EYS: variants seen among roughly 807,000 people sequenced by gnomAD.
The protein encoded by EYS is EGF-like photoreceptor maintenance factor.
A neutral mutation model predicts 282.1 loss-of-function variants in EYS; 250 were observed. The observed-to-expected ratio is 0.89, with a 90% CI of 0.80 to 0.98. The LOEUF (loss-of-function observed/expected upper bound fraction) is 0.98, where lower values mean the gene tolerates loss of function less well. EYS is among the 50% of genes least tolerant of loss of function. The pLI is 0.00. For synonymous variants in EYS, 1,355 were observed against 1,282.9 expected (o/e 1.06, Z -1.20); for missense variants, 4,016 against 3,709.0 (o/e 1.08, Z -2.15).
At chr6:64,007,869 G>T (rs192017447) in intron 33 of EYS, among the ~76,000 whole-genome samples, 2 of 151,992 alleles carry the variant, frequency 1.3e-5, no homozygotes, top group Non-Finnish European at 2.9e-5. Flanking sequence ...GTATGGTTTT[G>T]GTTGTTTAAA....
chr6:64,165,906 T>C (rs1053147911), intron 31 of EYS, among the ~76,000 whole-genome samples: 32 of 152,222 alleles, frequency 2.1e-4, no homozygotes, highest in African/African-American at 7.5e-4. Context: ...TAGGAAAAGA[T>C]AGTGCCTGAC....
intron 1 of EYS, among the ~76,000 whole-genome samples, chr6:65,647,325 C>A (rs1321054065): frequency 1.3e-5 from 2 of 152,068 alleles, no homozygotes; most frequent in African/African-American, 2.4e-5. Flanking sequence ...GGCACATAGA[C>A]CAATGGAACA....
intron 11 of EYS, among the ~76,000 whole-genome samples, chr6:65,318,147 G>A (rs1020221554): frequency 6.8e-6 from 1 of 147,792 alleles, no homozygotes; most frequent in South Asian, 2.2e-4. Flanking sequence ...GATTACATGC[G>A]TGAGCCACCG....
intron 35 of EYS, among the ~76,000 whole-genome samples, chr6:63,888,868 A>G (rs1053894583): frequency 3.9e-5 from 6 of 152,218 alleles, no homozygotes; most frequent in African/African-American, 1.4e-4. Flanking sequence ...GTTCTAATCC[A>G]ATGAAAGAAA....
chr6:64,388,721 C>A lies in EYS; in HGVS notation c.6047G>T (p.Gly2016Val). The A allele has an allele frequency of 6.5e-7, 1 of 1,538,214 alleles. No individual in the cohort carries two copies. Among genetic ancestry groups the A allele is most frequent in the Non-Finnish European group, 8.8e-7 (1 of 1,141,136 alleles). Residue 2016 changes from glycine (G) to valine (V), a missense_variant, in exon 29 of 43, where the codon GGT becomes GTT. Physicochemically the swap from Gly to Val is moderately radical, Grantham distance 109 (BLOSUM62 -3). Coordinates refer to ENST00000503581, the MANE Select transcript of EYS (RefSeq NM_001142800.2). ...PLPKSGSVFI[G>V]GFPDLHGKIQ... ...TTTCCCATGAAGGTCTGGAAATCCA[C>A]CAATGAAGACAGATCCTGATTTTGG...
At chr6:64,622,806 A>G (rs1036178592) in intron 23 of EYS, among the ~76,000 whole-genome samples, 2 of 152,152 alleles carry the variant, frequency 1.3e-5, no homozygotes, top group African/African-American at 4.8e-5. Context: ...AGATAATGGC[A>G]TGACTGAGAT....
At chr6:64,884,451 G>A (rs1054384581) in intron 19 of EYS, among the ~76,000 whole-genome samples, 1 of 151,426 alleles carries the variant, frequency 6.6e-6, no homozygotes, top group Non-Finnish European at 1.5e-5. Context: ...ACATCCTTGT[G>A]TTTTAAAGTT....
chr6:65,254,207 C>T (rs1373058762), intron 12 of EYS, among the ~76,000 whole-genome samples: 1 of 151,802 alleles, frequency 6.6e-6, no homozygotes, highest in Non-Finnish European at 1.5e-5. Context: ...CCTTCCCGCA[C>T]CCACACACCC....
intron 34 of EYS, among the ~76,000 whole-genome samples, chr6:63,987,868 G>A (rs1373594540): frequency 1.3e-5 from 2 of 151,570 alleles, no homozygotes; most frequent in African/African-American, 4.8e-5. Flanking sequence ...TCATGTGGAT[G>A]TACTTTTAGA....
At chr6:63,956,491 T>C (rs992231201) in intron 35 of EYS, among the ~76,000 whole-genome samples, 5 of 152,198 alleles carry the variant, frequency 3.3e-5, no homozygotes, top group African/African-American at 1.2e-4. Flanking sequence ...CAAAGCCTGT[T>C]TGGTGGTCTC....
At chr6:64,547,722 C>T (rs1764926051) in intron 26 of EYS, among the ~76,000 whole-genome samples, 1 of 152,216 alleles carries the variant, frequency 6.6e-6, no homozygotes, top group African/African-American at 2.4e-5. Context: ...CACCATGCAC[C>T]CTCACTCCTC....
chr6:65,396,921 T>C (rs974611011), intron 7 of EYS, among the ~76,000 whole-genome samples: 1 of 151,650 alleles, frequency 6.6e-6, no homozygotes, highest in Non-Finnish European at 1.5e-5. Context: ...GTGCCCTATA[T>C]CCCAACCCAT....
At chr6:64,789,991 T>G (rs1774139717) in intron 22 of EYS, among the ~76,000 whole-genome samples, 1 of 151,958 alleles carries the variant, frequency 6.6e-6, no homozygotes, top group Non-Finnish European at 1.5e-5. Flanking sequence ...TGTTCTTTTT[T>G]TTACGAGGAA....
At chr6:64,308,122 G>T (rs1769526996) in intron 29 of EYS, among the ~76,000 whole-genome samples, 1 of 151,874 alleles carries the variant, frequency 6.6e-6, no homozygotes, top group Non-Finnish European at 1.5e-5. Context: ...TGCCTTATCT[G>T]CAGATATCAA....
chr6:64,048,751 G>A (rs550071144), intron 33 of EYS, among the ~76,000 whole-genome samples: 5 of 150,794 alleles, frequency 3.3e-5, no homozygotes, highest in Non-Finnish European at 7.4e-5. Context: ...TCTGGTTTCT[G>A]TTTCCTCTGA....
chr6:65,102,446 T>G (rs1021046592), intron 12 of EYS, among the ~76,000 whole-genome samples: 27 of 151,358 alleles, frequency 1.8e-4, no homozygotes, highest in Non-Finnish European at 3.7e-4. Context: ...TCATTTCATT[T>G]TTTTAAAGTC....
Position 64,404,412 on chromosome 6 carries a change from TGC to T in EYS, c.5928-15574_5928-15573del, listed in dbSNP as rs200261010. ...GTGTGTGTGTGTGTGTGTGTGTGTG[TGC>T]ACGCACGCGTGTGAGCTTTTAAGAG... is the stretch of plus-strand genomic sequence containing the variant. On this transcript the variant is annotated intron_variant, in intron 28 of 42. Coordinates refer to ENST00000503581, the MANE Select transcript of EYS (RefSeq NM_001142800.2). Among the ~76,000 whole-genome samples the T allele has an allele frequency of 1.3e-4, 20 of 148,150 alleles. No homozygotes were observed. The East Asian group carries it at 3.3e-3, about 25-fold the overall frequency.
chr6:64,172,357 T>C (rs1176907440), intron 31 of EYS, among the ~76,000 whole-genome samples: 1 of 152,166 alleles, frequency 6.6e-6, no homozygotes, highest in Non-Finnish European at 1.5e-5. Context: ...TGAAACTTTA[T>C]ACACATTGAC....
chr6:63,863,494 C>T (rs765636478), intron 36 of EYS, among the ~76,000 whole-genome samples: 7 of 151,888 alleles, frequency 4.6e-5, no homozygotes, highest in Non-Finnish European at 7.4e-5. Flanking sequence ...ATTGTACTCT[C>T]GGTTTGCCAA....
Sources: allele counts gnomAD v4.1 joint callset (sites outside exome capture counted in the v4.1 genomes callset), GRCh38; gene constraint gnomAD v4.1.1; transcripts MANE v1.5; gene names NCBI Gene and HGNC (gene_info 2026-07-23, HGNC 2026-07-21).